The following ZFAT variants were observed in gnomAD, a reference collection of about 807,000 sequenced individuals.
ZFAT encodes zinc finger and AT-hook domain containing.
ZFAT carries 64 observed loss-of-function variants against 117.7 expected under a neutral mutation model. That is an observed-to-expected ratio of 0.54 (90% CI 0.44 to 0.67). ZFAT has a LOEUF of 0.67. Among genes scored for constraint, ZFAT ranks in the 30% least tolerant of loss-of-function variants. ZFAT has a pLI of 0.00. For synonymous variants in ZFAT, 679 were observed against 615.0 expected (o/e 1.10, Z -1.54); for missense variants, 1,433 against 1,584.5 (o/e 0.90, Z 1.62).
At chr8:134,747,265 AT>A in the ZFAT span, among the ~76,000 whole-genome samples, 1 of 151,338 alleles carries the variant, frequency 6.6e-6, no homozygotes, top group Non-Finnish European at 1.5e-5. Flanking sequence ...ATTTTTAAAA[AT>A]TTTTATACAG....
chr8:134,800,834 C>G, the ZFAT span, among the ~76,000 whole-genome samples: 3 of 152,086 alleles, frequency 2.0e-5, no homozygotes, highest in African/African-American at 7.3e-5. Context: ...AGGCACGCTA[C>G]TATGCCCGGC....
At chr8:134,787,173 T>C in the ZFAT span, among the ~76,000 whole-genome samples, 6 of 152,282 alleles carry the variant, frequency 3.9e-5, no homozygotes, top group East Asian at 1.2e-3. Flanking sequence ...TTGATTAATT[T>C]TGCCAGGCGA....
chr8:134,832,090 G>A, the ZFAT span, among the ~76,000 whole-genome samples: 1 of 140,676 alleles, frequency 7.1e-6, no homozygotes, highest in Non-Finnish European at 1.6e-5. Context: ...TGGAGCGGCC[G>A]GGGGAGAGGG....
At chr8:134,643,228 A>C (rs896679304) in intron 2 of ZFAT, among the ~76,000 whole-genome samples, 1 of 152,266 alleles carries the variant, frequency 6.6e-6, no homozygotes, top group African/African-American at 2.4e-5. Context: ...GAATTAATAA[A>C]TGGCAGAATC....
chr8:134,759,797 GA>G, the ZFAT span, among the ~76,000 whole-genome samples: 2 of 151,800 alleles, frequency 1.3e-5, no homozygotes, highest in Non-Finnish European at 2.9e-5. Context: ...CCAACATGGT[GA>G]AACTTCTACT....
At chr8:134,756,973 G>A in the ZFAT span, among the ~76,000 whole-genome samples, 1 of 148,290 alleles carries the variant, frequency 6.7e-6, no homozygotes, top group Non-Finnish European at 1.5e-5. Context: ...CAAATCACAA[G>A]TCAGCTTCTC....
chr8:134,578,751 C>T (rs10106593), intron 10 of ZFAT, among the ~76,000 whole-genome samples: 5,063 of 152,166 alleles, frequency 0.033, 148 homozygotes, highest in African/African-American at 0.083. Flanking sequence ...TGTTGAGAAG[C>T]GGGAGAACTC....
intron 15 of ZFAT, among the ~76,000 whole-genome samples, chr8:134,504,222 C>A (rs1482975845): frequency 6.6e-6 from 1 of 152,156 alleles, no homozygotes; most frequent in Non-Finnish European, 1.5e-5. Context: ...GGGAGCCCAA[C>A]TCCCTCCCCC....
At chr8:134,760,585 T>G in the ZFAT span, among the ~76,000 whole-genome samples, 1 of 151,942 alleles carries the variant, frequency 6.6e-6, no homozygotes, top group Non-Finnish European at 1.5e-5. Context: ...GGGGTGTGAG[T>G]GTGCAGATTT....
intron 1 of ZFAT, among the ~76,000 whole-genome samples, chr8:134,694,932 T>C (rs1055684094): frequency 5.3e-5 from 8 of 152,202 alleles, no homozygotes; most frequent in Admixed American, 2.6e-4. Flanking sequence ...CTTCATTTTT[T>C]AAAGTTGGAA....
chr8:134,654,285 C>A (rs539851925), intron 2 of ZFAT, among the ~76,000 whole-genome samples: 1 of 150,794 alleles, frequency 6.6e-6, no homozygotes, highest in South Asian at 2.1e-4. Flanking sequence ...GTGACAAGAG[C>A]AAACTTGTCA....
At chr8:134,570,560 G>A (rs1824816624) in intron 10 of ZFAT, among the ~76,000 whole-genome samples, 1 of 152,210 alleles carries the variant, frequency 6.6e-6, no homozygotes, top group Admixed American at 6.5e-5. Context: ...CTTGCAGGTT[G>A]TGGGTACTTT....
chr8:134,534,027 G>A (rs1821632994), intron 11 of ZFAT, among the ~76,000 whole-genome samples: 1 of 152,196 alleles, frequency 6.6e-6, no homozygotes, highest in African/African-American at 2.4e-5. Flanking sequence ...GCATGGAGCA[G>A]CCACAATGGA....
At chr8:134,663,411 G>T (rs925863507) in intron 1 of ZFAT, among the ~76,000 whole-genome samples, 2 of 152,156 alleles carry the variant, frequency 1.3e-5, no homozygotes, top group Non-Finnish European at 2.9e-5. Context: ...AGGAAGGAGA[G>T]CTGGCCAGGA....
chr8:134,678,728 T>A (rs2131290959), intron 1 of ZFAT, among the ~76,000 whole-genome samples: 1 of 152,222 alleles, frequency 6.6e-6, no homozygotes, highest in Admixed American at 6.5e-5. Context: ...ATGTTACTGG[T>A]ACCAAAACAG....
chr8:134,664,001 A>C (rs768052580), intron 1 of ZFAT, among the ~76,000 whole-genome samples: 2 of 152,184 alleles, frequency 1.3e-5, no homozygotes, highest in African/African-American at 4.8e-5. Flanking sequence ...GGAAAGGGGA[A>C]AGCCTTGGCT....
At chr8:134,571,863 G>C (rs1388573281) in intron 10 of ZFAT, among the ~76,000 whole-genome samples, 1 of 152,122 alleles carries the variant, frequency 6.6e-6, no homozygotes, top group Non-Finnish European at 1.5e-5. Flanking sequence ...AGTTAAGCTG[G>C]GACACTTTCT....
chr8:134,510,597 T>TC, intron 14 of ZFAT: 1 of 162,806 alleles, frequency 6.1e-6, no homozygotes, highest in Admixed American at 6.0e-5. Context: ...ATATTCACAA[T>TC]GCATCGCCGG....
At chr8:134,490,311 AAG>A (rs1817956549) in intron 15 of ZFAT, among the ~76,000 whole-genome samples, 1 of 152,210 alleles carries the variant, frequency 6.6e-6, no homozygotes. Context: ...GTTCACTGAA[AAG>A]AGGGACAAAG....
Sources: gnomAD v4.1 joint callset for allele counts (sites outside exome capture counted in the v4.1 genomes callset) on GRCh38, gnomAD v4.1.1 for gene constraint, MANE v1.5 for transcripts, NCBI Gene and HGNC (gene_info 2026-07-23, HGNC 2026-07-21) for gene names.